Variants in DHX8 observed in about 807,000 individuals in gnomAD.
DHX8 encodes ATP-dependent RNA helicase DHX8.
Under a neutral mutation model 140.7 loss-of-function variants are expected in DHX8, and 67 were observed. The ratio of observed to expected loss-of-function variants is 0.48; its 90% CI spans 0.39 to 0.58. The LOEUF (loss-of-function observed/expected upper bound fraction) is 0.58, where lower values mean the gene tolerates loss of function less well. DHX8 is among the 20% of genes least tolerant of loss of function. The probability of loss-of-function intolerance (pLI) is 0.00; values close to 1 mark genes in which losing one functional copy is unlikely to be tolerated. For synonymous variants in DHX8, 533 were observed against 553.2 expected, an observed-to-expected ratio of 0.96 and a Z score of 0.51; for missense variants, 887 against 1,550.7, an observed-to-expected ratio of 0.57 and a Z score of 7.19.
intron 18 of DHX8, 127 bp from the exon 19 acceptor site, chr17:43,520,003 C>T: frequency 1.0e-6 from 1 of 993,752 alleles, no homozygotes; most frequent in Admixed American, 2.0e-5. Flanking sequence ...AAGTTACCGC[C>T]AGTCTCACCG....
Position 43,504,437 on chromosome 17 carries a change from G to A in DHX8, c.1547-207G>A, listed in dbSNP as rs184791119. ...TTTTTTCTGACATCACAGGTGTGTA[G>A]CACCACTTGTTACAGTCTCTTTCCC... On this transcript the variant is annotated intron_variant, in intron 11 of 22. Transcript: ENST00000262415. Among the ~76,000 whole-genome samples, 344 of 152,306 alleles carry A rather than the reference G, an allele frequency of 2.3e-3. 1 individual carries two copies. The highest frequency in any genetic ancestry group is 3.8e-3 in the Non-Finnish European group (258 of 68,018).
At chr17:43,494,017 A>G (rs1968697274) in intron 8 of DHX8, 131 bp downstream of exon 8, 3 of 847,826 alleles carry the variant, frequency 3.5e-6, no homozygotes, top group Admixed American at 2.6e-5. Flanking sequence ...CACTCCTGAT[A>G]AAGACGTACC....
chr17:43,529,795 C>G (rs1254428290), downstream of DHX8: 119 of 1,599,246 alleles, frequency 7.4e-5, no homozygotes, highest in Middle Eastern at 1.7e-4. Context: ...TGGGTCCCAC[C>G]CTCTTGCAAC....
chr17:43,528,687 A>G, downstream of DHX8: 1 of 1,614,172 alleles, frequency 6.2e-7, no homozygotes, highest in South Asian at 1.1e-5. Flanking sequence ...GGAAGGCCAA[A>G]GAGAAGAGGG....
At chr17:43,502,483 G>A (rs1354732869) in intron 11 of DHX8, among the ~76,000 whole-genome samples, 1 of 152,134 alleles carries the variant, frequency 6.6e-6, no homozygotes, top group Non-Finnish European at 1.5e-5. Context: ...GGAGTGCAGT[G>A]GTGCAGTCTT....
chr17:43,526,422 T>A (rs1369819741), downstream of DHX8: 1 of 1,529,732 alleles, frequency 6.5e-7, no homozygotes, highest in Non-Finnish European at 8.7e-7. Flanking sequence ...GCTCCGCAGC[T>A]GGGTCAGGCT....
chr17:43,506,480 G>C (rs951827548), intron 12 of DHX8, among the ~76,000 whole-genome samples: 1 of 151,898 alleles, frequency 6.6e-6, no homozygotes, highest in Non-Finnish European at 1.5e-5. Context: ...TTAGCCGGGC[G>C]TGCTGGCGGG....
intron 3 of DHX8, chr17:43,536,511 C>T (rs770432644): frequency 1.2e-5 from 19 of 1,611,070 alleles, no homozygotes; most frequent in South Asian, 2.2e-5. Flanking sequence ...GAGTTTGGGG[C>T]GGAGCCCTGG....
chr17:43,528,535 C>T, downstream of DHX8: 1 of 1,611,222 alleles, frequency 6.2e-7, no homozygotes, highest in Non-Finnish European at 8.5e-7. Context: ...AGAGTAGCCA[C>T]CCTTGGGGCC....
At chr17:43,513,221 G>T in intron 16 of DHX8, 141 bp from the exon 17 acceptor site, 1 of 862,526 alleles carries the variant, frequency 1.2e-6, no homozygotes, top group Non-Finnish European at 1.7e-6. Flanking sequence ...AGGCTGAGCT[G>T]GGATTAAGTG....
In DHX8 at chr17:43,524,422, G is replaced by A. The variant is rs1349372046; in HGVS notation, c.*575G>A. 1 of 988,238 alleles carries A rather than the reference G, an allele frequency of 1.0e-6. No individual in the cohort carries two copies. The highest frequency in any genetic ancestry group is 1.7e-5 in the African/African-American group (1 of 57,244). 61.2% of individuals were successfully genotyped at this position (988,238 alleles called of 1,614,324 possible). ...ATCTGTGCTCTGGCACACATGATGA[G>A]AATCCCCTGAATCCCCTGAAACCAG... On this transcript the variant is annotated 3_prime_UTR_variant, in exon 23 of 23. Coordinates refer to ENST00000262415, the MANE Select transcript of DHX8 (RefSeq NM_004941.3).
intron 10 of DHX8, among the ~76,000 whole-genome samples, chr17:43,499,577 G>A (rs1969065247): frequency 1.3e-5 from 2 of 152,104 alleles, no homozygotes; most frequent in South Asian, 2.1e-4. Flanking sequence ...GGATCTGATC[G>A]CTAGTTCTTC....
At chr17:43,528,056 A>G, downstream of DHX8, 1 of 234,848 alleles carries the variant, frequency 4.3e-6, no homozygotes, top group Non-Finnish European at 8.4e-6. Context: ...CCAAGAACTG[A>G]CAAACCGGGA....
At position 43,484,091 on chromosome 17, in the gene DHX8, C is replaced by A. The variant is rs1341963314; in HGVS notation, c.54C>A (p.Pro18=). 6 of 1,614,004 alleles carry A rather than the reference C, an allele frequency of 3.7e-6. No homozygotes were observed. In the Admixed American group the frequency reaches 8.3e-5, roughly 22 times the overall value. ...CCTTAATCGGGTCGGAGCCAGGCCCCGCGGAAGAACTTGCCAAACTCGAGT... is the reference window on the plus strand; with the variant it reads ...CCTTAATCGGGTCGGAGCCAGGCCCAGCGGAAGAACTTGCCAAACTCGAGT... ...AGALIGSEPG[P]AEELAKLEYL... Residue 18 remains proline (P), a synonymous_variant, in exon 1 of 23, where the codon CCC becomes CCA. Coordinates refer to ENST00000262415, the MANE Select transcript of DHX8 (RefSeq NM_004941.3).
intron 2 of DHX8, chr17:43,532,595 T>C (rs1040460384): frequency 8.2e-6 from 11 of 1,335,068 alleles, no homozygotes; most frequent in Middle Eastern, 2.6e-4. Context: ...TAAACAGCAA[T>C]GTAAAAAAAC....
downstream of DHX8, chr17:43,528,747 T>C (rs1450906314): frequency 1.9e-6 from 3 of 1,613,134 alleles, no homozygotes; most frequent in Non-Finnish European, 2.5e-6. Context: ...CAGCCACCTA[T>C]GGGGAGAGAG....
At chr17:43,489,597 G>GTTTT in intron 2 of DHX8, 63 bp downstream of exon 2, 1 of 1,077,574 alleles carries the variant, frequency 9.3e-7, no homozygotes, top group Middle Eastern at 2.5e-4. Flanking sequence ...TTGTTTGTTT[G>GTTTT]TTTTTTTTTT....
At chr17:43,494,036 G>C in intron 8 of DHX8, 150 bp downstream of exon 8, 1 of 745,582 alleles carries the variant, frequency 1.3e-6, no homozygotes, top group Non-Finnish European at 2.1e-6. Flanking sequence ...CCTGAGACTG[G>C]GCAATTTACT....
At chr17:43,484,776 G>A (rs866349926) in intron 1 of DHX8, among the ~76,000 whole-genome samples, 3 of 151,968 alleles carry the variant, frequency 2.0e-5, no homozygotes, top group Non-Finnish European at 2.9e-5. Flanking sequence ...CGAGTAGCTG[G>A]GACTACAGGC....
Sources: gnomAD v4.1 joint callset for allele counts (sites outside exome capture counted in the v4.1 genomes callset) on GRCh38, gnomAD v4.1.1 for gene constraint, MANE v1.5 for transcripts, NCBI Gene and HGNC (gene_info 2026-07-23, HGNC 2026-07-21) for gene names.